The following CLPTM1 variants were observed in gnomAD, a reference collection of about 807,000 sequenced individuals.
CLPTM1 encodes the protein CLPTM1 regulator of GABA type A receptor forward trafficking, also known as putative lipid scramblase CLPTM1.
In CLPTM1, 21 loss-of-function variants were observed where a neutral mutation model predicts 77.3. That is an observed-to-expected ratio of 0.27 (90% CI 0.19 to 0.39). The LOEUF is 0.39. Ranked by LOEUF, CLPTM1 falls within the 10% of genes least tolerant of loss-of-function variation. The pLI is 1.00. For synonymous variants in CLPTM1, 373 were observed against 381.0 expected (o/e 0.98, Z 0.24); for missense variants, 642 against 921.2 (o/e 0.70, Z 3.92).
chr19:44,991,591 C>T lies in CLPTM1; in HGVS notation c.1555+218C>T, dbSNP rs1971076864. ...GCTTCAGTCCTCATTCTCAGGGGGC[C>T]TTTGTGTCTTGGGAACAAGTAAACA... is the stretch of plus-strand genomic sequence containing the variant. On this transcript the variant is annotated intron_variant, in intron 12 of 13. Coordinates refer to ENST00000337392, the MANE Select transcript of CLPTM1 (RefSeq NM_001294.4). The surrounding 1 kb of genome is among the most constrained non-coding windows in gnomAD (Gnocchi z 5.4). Among the ~76,000 whole-genome samples the T allele has an allele frequency of 6.6e-6, 1 of 152,128 alleles. No individual in the cohort carries two copies. Among genetic ancestry groups the T allele is most frequent in the African/African-American group, 2.4e-5 (1 of 41,422 alleles).
intron 2 of CLPTM1, among the ~76,000 whole-genome samples, chr19:44,963,033 T>A (rs570996247): frequency 9.4e-4 from 124 of 131,938 alleles, no homozygotes; most frequent in African/African-American, 3.1e-3. Context: ...TCAAAAAAAA[T>A]AAAAAATACA....
At chr19:44,975,738 T>C (rs1473077067) in intron 4 of CLPTM1, among the ~76,000 whole-genome samples, 1 of 151,930 alleles carries the variant, frequency 6.6e-6, no homozygotes, top group East Asian at 1.9e-4. Flanking sequence ...AATTTTTTTA[T>C]TTTTTAGTAG....
chr19:44,958,986 C>G (rs1462439975), intron 1 of CLPTM1, among the ~76,000 whole-genome samples: 1 of 152,138 alleles, frequency 6.6e-6, no homozygotes, highest in African/African-American at 2.4e-5. Context: ...TGCAGTTGTT[C>G]ATTTTTATTT....
At chr19:44,961,890 T>G in intron 1 of CLPTM1, 73 bp from the exon 2 acceptor site, 1 of 979,830 alleles carries the variant, frequency 1.0e-6, no homozygotes, top group Non-Finnish European at 1.5e-6. Flanking sequence ...GTGCCTGGCC[T>G]TCATGCATGA....
rs753708276 is a variant in CLPTM1, at chr19:44,973,174, C to T, written c.273C>T (p.Val91=). ...CGGGCCCCGGAGGAGCTCCACGCGT[C>T]GCCAGCCGCAACCTGTTCCCCAAAG... ...DQAGPGGAPR[V]ASRNLFPKDT... Residue 91 remains valine, a synonymous_variant, in exon 3 of 14, where the codon GTC becomes GTT. Coordinates refer to ENST00000337392, the MANE Select transcript of CLPTM1 (RefSeq NM_001294.4). 14 of 1,613,886 alleles carry T rather than the reference C, an allele frequency of 8.7e-6. No individual in the cohort carries two copies. The highest frequency in any genetic ancestry group is 1.6e-4 in the Middle Eastern group (1 of 6,080).
chr19:44,955,574 G>A, intron 1 of CLPTM1, 107 bp downstream of exon 1: 1 of 1,096,796 alleles, frequency 9.1e-7, no homozygotes, highest in African/African-American at 1.6e-5. Flanking sequence ...GGGGCTCCTT[G>A]GCCAGAGGGA....
chr19:44,992,189 G>A lies in CLPTM1; in HGVS notation c.1556-44G>A, dbSNP rs773944868. On this transcript the variant is annotated intron_variant, in intron 12 of 13. Transcript: ENST00000337392. The surrounding 1 kb of genome is among the most constrained non-coding windows in gnomAD (Gnocchi z 7.7). ...GCCAGTGCAGAGTGCACAGGGGAGA[G>A]GTGGGAGAGGCCATCCCTCTGCTCA... is the stretch of plus-strand genomic sequence containing the variant. The A allele has an allele frequency of 1.2e-5, 20 of 1,607,030 alleles. No homozygotes were observed. The highest frequency in any genetic ancestry group is 1.7e-5 in the Admixed American group (1 of 59,806).
At chr19:44,955,493 G>A (rs1970447835) in intron 1 of CLPTM1, 26 bp downstream of exon 1, 6 of 1,281,464 alleles carry the variant, frequency 4.7e-6, no homozygotes, top group South Asian at 3.1e-5. Flanking sequence ...GGGGACTGAG[G>A]GGGTTCTTCC....
chr19:44,985,415 C>T lies in CLPTM1; in HGVS notation c.672+112C>T, dbSNP rs191452080. On this transcript the variant is annotated intron_variant, in intron 6 of 13. Transcript: ENST00000337392. ...CCACCACTGAACCACCATGCCGGCT[C>T]GGTCATGCCACCTCCCCTCCCTGAG... The T allele has an allele frequency of 1.1e-3, 815 of 721,518 alleles. 3 individuals are homozygous for T. The highest frequency in any genetic ancestry group is 3.1e-3 in the East Asian group (111 of 36,294). The allele number at this position is 721,518 out of a possible 1,614,324, so 44.7% of individuals were successfully genotyped here.
At chr19:44,974,771 C>T (rs544074680) in intron 4 of CLPTM1, among the ~76,000 whole-genome samples, 174 bp downstream of exon 4, 10 of 152,336 alleles carry the variant, frequency 6.6e-5, no homozygotes, top group Admixed American at 1.3e-4. Context: ...CTGGGCTTCA[C>T]TTTCCCCTAC....
At position 44,985,206 on chromosome 19, in the gene CLPTM1, T is replaced by A; in HGVS notation, c.587-12T>A. The A allele has an allele frequency of 6.2e-7, 1 of 1,611,246 alleles. No individual in the cohort carries two copies. Among genetic ancestry groups the A allele is most frequent in the Non-Finnish European group, 8.5e-7 (1 of 1,177,938 alleles). On this transcript the variant is annotated splice_polypyrimidine_tract_variant and intron_variant, in intron 5 of 13. Coordinates refer to ENST00000337392, the MANE Select transcript of CLPTM1 (RefSeq NM_001294.4). The stretch of plus-strand genomic sequence containing the variant: ...GTCTCACGTCCCCTCCTTTCCCACC[T>A]CCCAACCACAGTGATCAACAAATAC...
At chr19:44,987,847 C>T (rs577240667) in intron 8 of CLPTM1, 97 of 589,970 alleles carry the variant, frequency 1.6e-4, no homozygotes, top group Admixed American at 8.1e-4. Flanking sequence ...ACCCACTCCC[C>T]GCAGCACTCC....
chr19:44,965,076 T>C (rs1342520643), intron 2 of CLPTM1, among the ~76,000 whole-genome samples: 3 of 152,194 alleles, frequency 2.0e-5, no homozygotes, highest in Non-Finnish European at 2.9e-5. Flanking sequence ...CTCTGCAAAA[T>C]AGATATTCCT....
chr19:44,991,306 G>T lies in CLPTM1; in HGVS notation c.1488G>T (p.Leu496=), dbSNP rs761411707. 17 of 1,613,946 alleles carry T rather than the reference G, an allele frequency of 1.1e-5. No homozygotes were observed. Among genetic ancestry groups the T allele is most frequent in the Non-Finnish European group, 1.7e-6 (2 of 1,179,992 alleles). ...GCTGCTATGCCGTCTACAGTCTTCT[G>T]TACCTGGAGCACAAGGGCTGGTACT... The part of the protein sequence containing the change: ...LLGCYAVYSL[L]YLEHKGWYSW... The change falls in exon 12 of 14, where the codon CTG becomes CTT. Residue 496 remains leucine (L), a synonymous_variant. Coordinates refer to ENST00000337392, the MANE Select transcript of CLPTM1 (RefSeq NM_001294.4). This position sits in a 1 kb window ranked among gnomAD's most constrained non-coding sequence, Gnocchi z 5.4.
At chr19:44,957,589 A>G (rs1214101676) in intron 1 of CLPTM1, among the ~76,000 whole-genome samples, 1 of 152,196 alleles carries the variant, frequency 6.6e-6, no homozygotes, top group African/African-American at 2.4e-5. Context: ...GGTCTCAGCT[A>G]CTTCTTGGAC....
intron 2 of CLPTM1, among the ~76,000 whole-genome samples, chr19:44,964,118 A>C (rs549481650): frequency 6.6e-6 from 1 of 151,876 alleles, no homozygotes; most frequent in Non-Finnish European, 1.5e-5. Context: ...ACTGTACTCC[A>C]GTCTGGGCAT....
intron 1 of CLPTM1, 100 bp from the exon 2 acceptor site, chr19:44,961,863 C>G (rs568897309): frequency 4.0e-4 from 265 of 659,274 alleles, no homozygotes; most frequent in Middle Eastern, 3.4e-3. Flanking sequence ...GATAAGCACC[C>G]ACTCTTTGCC....
upstream of CLPTM1, chr19:44,954,598 G>C (rs140480209): frequency 2.9e-6 from 3 of 1,029,490 alleles, no homozygotes; most frequent in South Asian, 3.3e-5. Flanking sequence ...TCCAAACTAA[G>C]GGTCTCTCAG....
At chr19:44,958,698 G>A (rs1316900554) in intron 1 of CLPTM1, among the ~76,000 whole-genome samples, 4 of 152,104 alleles carry the variant, frequency 2.6e-5, no homozygotes, top group African/African-American at 7.2e-5. Flanking sequence ...ATGGTATAAC[G>A]TTCACCTGTT....
Sources: allele counts gnomAD v4.1 joint callset (sites outside exome capture counted in the v4.1 genomes callset), GRCh38; gene constraint gnomAD v4.1.1; non-coding constraint Gnocchi (gnomAD v3.1); transcripts MANE v1.5; gene names NCBI Gene and HGNC (gene_info 2026-07-23, HGNC 2026-07-21).